ATRNL1: variants seen among roughly 807,000 people sequenced by gnomAD.
ATRNL1 encodes the protein attractin like 1.
In ATRNL1, 95 loss-of-function variants were observed where a neutral mutation model predicts 182.7. The ratio of observed to expected loss-of-function variants is 0.52; its 90% confidence interval spans 0.44 to 0.62. ATRNL1 has a LOEUF of 0.62. Ranked by LOEUF, ATRNL1 falls within the 20% of genes least tolerant of loss-of-function variation. ATRNL1 has a pLI of 0.00. For missense variants in ATRNL1, 1,471 were observed against 1,679.5 expected, an observed-to-expected ratio of 0.88 and a Z score of 2.17; for synonymous variants, 576 against 568.3, an observed-to-expected ratio of 1.01 and a Z score of -0.19.
chr10:115,727,014 T>C lies in ATRNL1; in HGVS notation c.3796-234T>C, dbSNP rs554764270. ...AGTACATTGTATTAGGCCTGCAGGA[T>C]GGAGGTCAGGGGAAAAGTTATTTGT... is the stretch of plus-strand genomic sequence containing the variant. On this transcript the variant is annotated intron_variant, in intron 26 of 28. Coordinates refer to ENST00000355044, the MANE Select transcript of ATRNL1 (RefSeq NM_207303.4). 8.5e-4 allele frequency among the ~76,000 whole-genome samples: 130 copies of C among 152,110 alleles called. 1 individual carries two copies. The highest frequency in any genetic ancestry group is 1.3e-3 in the Non-Finnish European group (86 of 68,014).
At chr10:115,293,779 A>T (rs573155353) in intron 15 of ATRNL1, among the ~76,000 whole-genome samples, 2 of 152,288 alleles carry the variant, frequency 1.3e-5, no homozygotes, top group Non-Finnish European at 2.9e-5. Flanking sequence ...TAGTTTGAAT[A>T]TATCATTCCA....
intron 27 of ATRNL1, among the ~76,000 whole-genome samples, chr10:115,779,183 T>C (rs971670865): frequency 2.0e-5 from 3 of 152,168 alleles, no homozygotes; most frequent in Non-Finnish European, 4.4e-5. Flanking sequence ...CCTGGGAGTT[T>C]GATGGTGCTT....
At chr10:115,102,276 T>G (rs1465523668) in intron 1 of ATRNL1, among the ~76,000 whole-genome samples, 1 of 152,222 alleles carries the variant, frequency 6.6e-6, no homozygotes, top group African/African-American at 2.4e-5. Flanking sequence ...TATCCTTTTT[T>G]CATTAATGTC....
At chr10:115,692,833 T>A (rs1330550154) in intron 26 of ATRNL1, among the ~76,000 whole-genome samples, 2 of 152,238 alleles carry the variant, frequency 1.3e-5, no homozygotes, top group African/African-American at 2.4e-5. Context: ...TATTTCAAGC[T>A]TAGTGTTCAA....
At chr10:115,931,518 C>A (rs1953393191) in intron 28 of ATRNL1, among the ~76,000 whole-genome samples, 1 of 152,164 alleles carries the variant, frequency 6.6e-6, no homozygotes, top group African/African-American at 2.4e-5. Flanking sequence ...AATTTGAAAA[C>A]TCTTTACAGA....
chr10:115,869,633 A>G (rs1292497779), intron 28 of ATRNL1, among the ~76,000 whole-genome samples: 2 of 152,154 alleles, frequency 1.3e-5, no homozygotes, highest in Admixed American at 1.3e-4. Context: ...TATGTTTTAT[A>G]GGTTGATTTT....
chr10:115,511,114 A>G (rs1850362813), intron 24 of ATRNL1, among the ~76,000 whole-genome samples: 1 of 151,880 alleles, frequency 6.6e-6, no homozygotes, highest in African/African-American at 2.4e-5. Context: ...TATTCCAGAA[A>G]TATGTTTTAT....
intron 25 of ATRNL1, among the ~76,000 whole-genome samples, chr10:115,530,166 A>C (rs1851481231): frequency 6.6e-6 from 1 of 152,144 alleles, no homozygotes; most frequent in Admixed American, 6.5e-5. Flanking sequence ...CACTGTTGTG[A>C]ATAATACTAC....
At chr10:115,194,897 A>G (rs1452780516) in intron 8 of ATRNL1, among the ~76,000 whole-genome samples, 1 of 151,826 alleles carries the variant, frequency 6.6e-6, no homozygotes, top group East Asian at 1.9e-4. Context: ...TGCAAATAAA[A>G]TCTTATAACC....
intron 26 of ATRNL1, among the ~76,000 whole-genome samples, chr10:115,553,188 C>T (rs1158758322): frequency 2.6e-4 from 39 of 151,052 alleles, no homozygotes; most frequent in Non-Finnish European, 5.8e-4. Context: ...AAATATGATG[C>T]ATATTTTAAT....
intron 27 of ATRNL1, among the ~76,000 whole-genome samples, chr10:115,729,527 G>GTGTGTGTGTGTA (rs1215381020): frequency 9.9e-5 from 15 of 151,104 alleles, no homozygotes; most frequent in African/African-American, 3.4e-4. Flanking sequence ...GTGTGTGTGT[G>GTGTGTGTGTGTA]TGTGTGTGTT....
chr10:115,224,714 T>A (rs1680923806), intron 9 of ATRNL1, among the ~76,000 whole-genome samples: 1 of 152,166 alleles, frequency 6.6e-6, no homozygotes, highest in African/African-American at 2.4e-5. Flanking sequence ...TCTATGACCG[T>A]AAATTTGAAA....
chr10:115,694,913 ACACACACACACACACACATGCACACACG>A (rs1555049270), intron 26 of ATRNL1, among the ~76,000 whole-genome samples: 1 of 115,404 alleles, frequency 8.7e-6, no homozygotes, highest in East Asian at 3.2e-4. Flanking sequence ...TTATAAAATC[ACACACACACACACACACATGCACACACG>A]CACACACACA....
At chr10:115,682,719 C>T (rs542747180) in intron 26 of ATRNL1, among the ~76,000 whole-genome samples, 8 of 151,728 alleles carry the variant, frequency 5.3e-5, no homozygotes, top group Non-Finnish European at 1.0e-4. Flanking sequence ...CCAGCCAGTT[C>T]CCTACCTTTA....
chr10:115,204,221 A>G (rs538583455), intron 8 of ATRNL1, among the ~76,000 whole-genome samples: 1 of 152,110 alleles, frequency 6.6e-6, no homozygotes, highest in Admixed American at 6.6e-5. Context: ...TTTTTTACAT[A>G]TAACATCATG....
chr10:115,308,182 C>T (rs943943293), intron 17 of ATRNL1, among the ~76,000 whole-genome samples: 3 of 151,942 alleles, frequency 2.0e-5, no homozygotes, highest in East Asian at 1.9e-4. Context: ...TTAAAATTCA[C>T]GAATTGAAGA....
chr10:115,272,666 T>C (rs183902087), intron 13 of ATRNL1, among the ~76,000 whole-genome samples: 1 of 152,246 alleles, frequency 6.6e-6, no homozygotes, highest in Non-Finnish European at 1.5e-5. Context: ...AAGCACCATA[T>C]ATTGGATGCT....
At chr10:115,320,638 G>A (rs1489499229) in intron 18 of ATRNL1, among the ~76,000 whole-genome samples, 1 of 151,952 alleles carries the variant, frequency 6.6e-6, no homozygotes, top group Non-Finnish European at 1.5e-5. Flanking sequence ...ATTTCAGCAA[G>A]GTGGTCTTCA....
chr10:115,701,103 A>G (rs182008740), intron 26 of ATRNL1, among the ~76,000 whole-genome samples: 82 of 152,214 alleles, frequency 5.4e-4, no homozygotes, highest in Middle Eastern at 3.4e-3. Flanking sequence ...TATAACAACC[A>G]TACCCTCAAT....
Sources: allele counts gnomAD v4.1 joint callset (sites outside exome capture counted in the v4.1 genomes callset), GRCh38; gene constraint gnomAD v4.1.1; transcripts MANE v1.5; gene names NCBI Gene and HGNC (gene_info 2026-07-23, HGNC 2026-07-21).